Variants in ARMH4 observed in about 807,000 individuals in gnomAD.
ARMH4 encodes armadillo like helical domain containing 4.
A neutral mutation model predicts 61.9 loss-of-function variants in ARMH4; 49 were observed. That is an observed-to-expected ratio of 0.79 (90% CI 0.63 to 1.00). The LOEUF (loss-of-function observed/expected upper bound fraction) is 1.00, where lower values mean the gene tolerates loss of function less well. Among genes scored for constraint, ARMH4 ranks in the 50% least tolerant of loss-of-function variants. The pLI is 0.00. For synonymous variants in ARMH4, 368 were observed against 341.5 expected, an observed-to-expected ratio of 1.08 and a Z score of -0.85; for missense variants, 934 against 930.0, an observed-to-expected ratio of 1.00 and a Z score of -0.06.
chr14:58,046,341 C>T (rs186877017), intron 5 of ARMH4, among the ~76,000 whole-genome samples: 38 of 152,090 alleles, frequency 2.5e-4, no homozygotes, highest in South Asian at 4.1e-4. Flanking sequence ...GGACAATTTG[C>T]GTGCTGAGAT....
At chr14:58,059,874 T>C (rs1198693129) in intron 5 of ARMH4, among the ~76,000 whole-genome samples, 4 of 152,220 alleles carry the variant, frequency 2.6e-5, no homozygotes, top group African/African-American at 9.7e-5. Flanking sequence ...CCTGTTTTTT[T>C]TGAGCAGACC....
At chr14:58,069,834 A>G (rs964741881) in intron 5 of ARMH4, among the ~76,000 whole-genome samples, 15 of 152,172 alleles carry the variant, frequency 9.9e-5, no homozygotes, top group African/African-American at 3.6e-4. Flanking sequence ...CTGTTATAAC[A>G]CCCATTCACA....
intron 5 of ARMH4, among the ~76,000 whole-genome samples, chr14:58,018,997 T>C (rs1882716896): frequency 6.6e-6 from 1 of 152,156 alleles, no homozygotes. Flanking sequence ...GAGGACATTA[T>C]GTTAAGCAAA....
intron 5 of ARMH4, among the ~76,000 whole-genome samples, chr14:58,084,278 G>A (rs1472618416): frequency 6.6e-6 from 1 of 152,182 alleles, no homozygotes; most frequent in African/African-American, 2.4e-5. Flanking sequence ...GTAAATAAAT[G>A]AGTTGTCTTT....
rs1318220674 is a variant in ARMH4, at chr14:58,139,441, T to G, written c.-56-27A>C. 4 of 1,275,946 alleles carry G rather than the reference T, an allele frequency of 3.1e-6. No homozygotes were observed. In the South Asian group the frequency reaches 5.1e-5, roughly 16 times the overall value. 79.0% of individuals were successfully genotyped at this position (1,275,946 alleles called of 1,614,324 possible). On this transcript the variant is annotated intron_variant, in intron 1 of 7. Coordinates refer to ENST00000267485, the MANE Select transcript of ARMH4 (RefSeq NM_001001872.4). ...TGCAGAAAAATAAAGCATATCAAACTGTCATATAAATACATGTTGTAAATA... is the reference window on the plus strand; with the variant it reads ...TGCAGAAAAATAAAGCATATCAAACGGTCATATAAATACATGTTGTAAATA...
intron 4 of ARMH4, among the ~76,000 whole-genome samples, chr14:58,115,535 ACAG>A (rs1886489078): frequency 6.6e-6 from 1 of 152,172 alleles, no homozygotes; most frequent in South Asian, 2.1e-4. Context: ...AGAACTTAAA[ACAG>A]AACTACCATT....
At chr14:58,017,726 C>T (rs371587724) in intron 5 of ARMH4, among the ~76,000 whole-genome samples, 204 of 152,186 alleles carry the variant, frequency 1.3e-3, no homozygotes, top group African/African-American at 4.8e-3. Context: ...ATATTCAATG[C>T]AATCTCTACC....
intron 1 of ARMH4, 40 bp from the exon 2 acceptor site, chr14:58,139,454 C>A (rs758105346): frequency 2.2e-5 from 25 of 1,130,462 alleles, no homozygotes; most frequent in Non-Finnish European, 3.2e-5. Flanking sequence ...CATATAAATA[C>A]ATGTTGTAAA....
rs992200249 is a variant in ARMH4 at position 58,003,097 on chromosome 14, A to G, written c.*1639T>C. The stretch of plus-strand genomic sequence containing the variant: ...TGTGTGTGAGTAAGAGAGAAATTAG[A>G]AAGGCATCATTCATTTAACAAAGAT... On this transcript the variant is annotated 3_prime_UTR_variant, in exon 8 of 8. Coordinates refer to ENST00000267485, the MANE Select transcript of ARMH4 (RefSeq NM_001001872.4). 5 of 152,244 alleles carry G rather than the reference A, an allele frequency of 3.3e-5. No homozygotes were observed. Among genetic ancestry groups the G allele is most frequent in the Non-Finnish European group, 7.3e-5 (5 of 68,044 alleles). 9.4% of individuals were successfully genotyped at this position (152,244 alleles called of 1,614,324 possible). A position where few individuals can be genotyped will look rare whatever the true frequency, so the allele number is the denominator to read the frequency against.
chr14:58,092,146 T>A (rs1401061124), intron 5 of ARMH4, among the ~76,000 whole-genome samples: 2 of 151,450 alleles, frequency 1.3e-5, no homozygotes, highest in African/African-American at 4.8e-5. Flanking sequence ...TGTTCATTTT[T>A]AAAAATTTAT....
intron 5 of ARMH4, among the ~76,000 whole-genome samples, chr14:58,055,957 T>C (rs149501670): frequency 6.6e-6 from 1 of 152,376 alleles, no homozygotes; most frequent in East Asian, 1.9e-4. Flanking sequence ...CATTTTAATA[T>C]CCTGTAAGTA....
At chr14:58,063,538 G>A (rs1408442516) in intron 5 of ARMH4, among the ~76,000 whole-genome samples, 1 of 150,512 alleles carries the variant, frequency 6.6e-6, no homozygotes, top group Non-Finnish European at 1.5e-5. Context: ...GGCAGGTCAT[G>A]GTGCTTTCCA....
At chr14:58,105,016 A>G (rs1208281812) in intron 4 of ARMH4, among the ~76,000 whole-genome samples, 1 of 152,258 alleles carries the variant, frequency 6.6e-6, no homozygotes, top group Non-Finnish European at 1.5e-5. Context: ...TTCTATTCAT[A>G]AAAACTGAAG....
intron 5 of ARMH4, among the ~76,000 whole-genome samples, chr14:58,019,122 G>A (rs542379138): frequency 2.0e-5 from 3 of 152,108 alleles, no homozygotes; most frequent in Non-Finnish European, 4.4e-5. Context: ...AGGGGGTCAC[G>A]TTGGAGAGAT....
chr14:58,017,925 T>A (rs1475087418), intron 5 of ARMH4, among the ~76,000 whole-genome samples: 1 of 152,002 alleles, frequency 6.6e-6, no homozygotes, highest in Non-Finnish European at 1.5e-5. Context: ...TAAAAACAGA[T>A]ACATAGACCA....
At chr14:58,082,004 T>G (rs1334244572) in intron 5 of ARMH4, among the ~76,000 whole-genome samples, 1 of 152,062 alleles carries the variant, frequency 6.6e-6, no homozygotes, top group Non-Finnish European at 1.5e-5. Context: ...ACCTATAACT[T>G]GAAAAAGTAA....
intron 5 of ARMH4, among the ~76,000 whole-genome samples, chr14:58,053,539 C>T (rs1474265443): frequency 2.0e-5 from 3 of 152,314 alleles, no homozygotes; most frequent in Admixed American, 6.5e-5. Flanking sequence ...TATCTCGGTT[C>T]ATAAACACAT....
chr14:58,005,986 T>G (rs1433319894), intron 6 of ARMH4, among the ~76,000 whole-genome samples: 1 of 152,048 alleles, frequency 6.6e-6, no homozygotes, highest in Non-Finnish European at 1.5e-5. Context: ...ACACGATACC[T>G]CCAAAAGATC....
chr14:58,063,852 TCCACCTGGC>T (rs1292298554), intron 5 of ARMH4, among the ~76,000 whole-genome samples: 2 of 152,148 alleles, frequency 1.3e-5, no homozygotes, highest in Non-Finnish European at 2.9e-5. Context: ...ACAGAAACGT[TCCACCTGGC>T]TGGAATTTGG....
Sources: allele counts gnomAD v4.1 joint callset (sites outside exome capture counted in the v4.1 genomes callset), GRCh38; gene constraint gnomAD v4.1.1; transcripts MANE v1.5; gene names NCBI Gene and HGNC (gene_info 2026-07-23, HGNC 2026-07-21).